The following DROSHA variants were observed in gnomAD, a reference collection of about 807,000 sequenced individuals.
DROSHA encodes the protein ribonuclease 3.
Under a neutral mutation model 181.9 loss-of-function variants are expected in DROSHA, and 56 were observed. The ratio of observed to expected loss-of-function variants is 0.31; its 90% CI spans 0.25 to 0.38. The LOEUF is 0.38. Ranked by LOEUF, DROSHA falls within the 10% of genes least tolerant of loss-of-function variation. The pLI, the probability that DROSHA is intolerant of heterozygous loss-of-function variation, is 1.00. For synonymous variants in DROSHA, 524 were observed against 591.2 expected, an observed-to-expected ratio of 0.89 and a Z score of 1.65; for missense variants, 1,218 against 1,743.5, an observed-to-expected ratio of 0.70 and a Z score of 5.37.
intron 16 of DROSHA, among the ~76,000 whole-genome samples, chr5:31,480,615 T>C (rs1319415459): frequency 6.6e-6 from 1 of 152,104 alleles, no homozygotes; most frequent in African/African-American, 2.4e-5. Flanking sequence ...AAAGTTTACT[T>C]TATAAAAATG....
intron 27 of DROSHA, among the ~76,000 whole-genome samples, chr5:31,428,560 A>G (rs1324424475): frequency 1.3e-5 from 2 of 152,204 alleles, no homozygotes; most frequent in South Asian, 2.1e-4. Context: ...AAATCATCAC[A>G]TATCTCTAGA....
At chr5:31,402,693 A>G (rs1267123575) in intron 35 of DROSHA, among the ~76,000 whole-genome samples, 1 of 152,170 alleles carries the variant, frequency 6.6e-6, no homozygotes, top group Non-Finnish European at 1.5e-5. Context: ...TACCATCCTT[A>G]CACCAGGTTG....
At chr5:31,529,628 G>C (rs777679815) in intron 3 of DROSHA, among the ~76,000 whole-genome samples, 1 of 151,756 alleles carries the variant, frequency 6.6e-6, no homozygotes, top group Admixed American at 6.6e-5. Flanking sequence ...CCAGCTACTC[G>C]GGAGGCTGAG....
At chr5:31,421,465 TAAAA>T in intron 29 of DROSHA, 88 bp from the exon 30 acceptor site, 3 of 1,060,308 alleles carry the variant, frequency 2.8e-6, no homozygotes, top group Admixed American at 3.8e-5. Flanking sequence ...AGGAATGACT[TAAAA>T]AGACAATGTG....
intron 23 of DROSHA, among the ~76,000 whole-genome samples, chr5:31,447,692 C>G (rs1419537606): frequency 6.6e-6 from 1 of 152,134 alleles, no homozygotes; most frequent in African/African-American, 2.4e-5. Flanking sequence ...GGAAAAGGAT[C>G]TGAATAGATA....
At position 31,515,078 on chromosome 5, in the gene DROSHA, A is replaced by G. The variant is rs1364051744; in HGVS notation, c.1200T>C (p.Asn400=). Residue 400 remains asparagine, a synonymous_variant, in exon 8 of 36, where the codon AAT becomes AAC. Transcript: ENST00000344624. ...KEPEETMPDK[N]EEEEEELLKP... is the part of the protein sequence containing the mutation. ...TAAGAAGTTCTTCTTCTTCCTCCTC[A>G]TTCTTGTCAGGCATGGTCTCCTCGG... The G allele has an allele frequency of 1.2e-6, 2 of 1,613,742 alleles. No individual in the cohort carries two copies. The highest frequency in any genetic ancestry group is 1.3e-5 in the African/African-American group (1 of 74,876).
In DROSHA at chr5:31,447,245, C is replaced by T. The variant is rs1746418621; in HGVS notation, c.2882+1302G>A. 2.6e-5 allele frequency among the ~76,000 whole-genome samples: 4 copies of T among 151,992 alleles called. No homozygotes were observed. In the South Asian group the frequency reaches 8.3e-4, roughly 32 times the overall value. On this transcript the variant is annotated intron_variant, in intron 23 of 35. Coordinates refer to ENST00000344624, the MANE Select transcript of DROSHA (RefSeq NM_001382508.1). ...CTAGGGCCTTTCGGAAGGTGGAGAACAAAAGGAGGGAGAGGATAAGGAATA... is the reference window on the plus strand; with the variant it reads ...CTAGGGCCTTTCGGAAGGTGGAGAATAAAAGGAGGGAGAGGATAAGGAATA...
At chr5:31,530,602 C>A (rs1741175410) in intron 3 of DROSHA, among the ~76,000 whole-genome samples, 196 bp downstream of exon 3, 1 of 148,908 alleles carries the variant, frequency 6.7e-6, no homozygotes, top group Non-Finnish European at 1.5e-5. Context: ...TGCACTCCAG[C>A]CTGGGCAACA....
chr5:31,493,645 G>C (rs1351552529), intron 12 of DROSHA, among the ~76,000 whole-genome samples: 1 of 152,108 alleles, frequency 6.6e-6, no homozygotes. Context: ...CAGGAGCAAG[G>C]TAATAACACA....
intron 20 of DROSHA, among the ~76,000 whole-genome samples, chr5:31,454,832 C>T (rs1483411394): frequency 6.7e-6 from 1 of 150,144 alleles, no homozygotes; most frequent in Non-Finnish European, 1.5e-5. Context: ...CCCTGCTACT[C>T]GGGAGGCTGA....
intron 27 of DROSHA, 56 bp from the exon 28 acceptor site, chr5:31,424,527 A>G (rs934252066): frequency 3.9e-6 from 6 of 1,523,132 alleles, no homozygotes; most frequent in Non-Finnish European, 5.3e-6. Context: ...CGCACTCTAG[A>G]GTACTAAATA....
intron 6 of DROSHA, 111 bp downstream of exon 6, chr5:31,521,012 G>C: frequency 4.0e-6 from 4 of 1,008,652 alleles, no homozygotes; most frequent in Admixed American, 4.1e-5. Flanking sequence ...AGGTCATCTT[G>C]GACAGACTCT....
chr5:31,423,956 T>C (rs1249175796), intron 28 of DROSHA, among the ~76,000 whole-genome samples: 1 of 152,240 alleles, frequency 6.6e-6, no homozygotes, highest in Non-Finnish European at 1.5e-5. Context: ...ACAGGTTTTA[T>C]ACACTCTGAA....
In DROSHA at chr5:31,422,920, G is replaced by T; in HGVS notation, c.3286C>A (p.Gln1096Lys). 5 of 1,608,294 alleles carry T rather than the reference G, an allele frequency of 3.1e-6. No individual in the cohort carries two copies. The highest frequency in any genetic ancestry group is 4.2e-6 in the Non-Finnish European group (5 of 1,177,428). The change falls in exon 29 of 36, where the codon CAA (glutamine) becomes AAA (lysine). Residue 1096 changes from glutamine to lysine, a missense_variant. Gln to Lys is a moderately conservative substitution (Grantham distance 53). Transcript: ENST00000344624. ...LQLQEPNTDR[Q>K]LIETSPVLQK... is the part of the protein sequence containing the mutation. ...AGAACTGGAGAAGTTTCAATAAGTT[G>T]TCGATCAGTATTTGGCTCTTGTAGC...
At chr5:31,492,084 G>A (rs1325992254) in intron 13 of DROSHA, among the ~76,000 whole-genome samples, 4 of 152,230 alleles carry the variant, frequency 2.6e-5, no homozygotes, top group Admixed American at 1.3e-4. Context: ...GTGAGCCACC[G>A]CACCCAGCCC....
chr5:31,484,846 A>G (rs1751552257), intron 15 of DROSHA, 35 bp downstream of exon 15: 2 of 1,422,352 alleles, frequency 1.4e-6, no homozygotes, highest in Non-Finnish European at 1.9e-6. Flanking sequence ...GTTCTTCCAT[A>G]AACACTACTC....
At chr5:31,448,500 A>G in intron 23 of DROSHA, 47 bp downstream of exon 23, 2 of 1,496,048 alleles carry the variant, frequency 1.3e-6, no homozygotes, top group East Asian at 4.5e-5. Context: ...ACTGTATAGT[A>G]CGTGAATTAT....
chr5:31,511,141 A>G lies in DROSHA; in HGVS notation c.1326T>C (p.Arg442=). 1 of 1,613,942 alleles carries G rather than the reference A, an allele frequency of 6.2e-7. No individual in the cohort carries two copies. The highest frequency in any genetic ancestry group is 8.5e-7 in the Non-Finnish European group (1 of 1,179,860). The change falls in exon 9 of 36, where the codon CGT becomes CGC. Residue 442 remains arginine (R), a synonymous_variant. Coordinates refer to ENST00000344624, the MANE Select transcript of DROSHA (RefSeq NM_001382508.1). The stretch of plus-strand genomic sequence containing the variant: ...CCTCCTCAAATTTGTCATATAAGTC[A>G]CGAAGCCTACTCGTTCCAACCACTG... ...DSTVVGTSRL[R]DLYDKFEEEL... is the part of the protein sequence containing the mutation.
At chr5:31,463,722 C>T (rs535272393) in intron 20 of DROSHA, among the ~76,000 whole-genome samples, 40 of 152,232 alleles carry the variant, frequency 2.6e-4, no homozygotes, top group African/African-American at 9.1e-4. Flanking sequence ...TACTCTATTG[C>T]GTTCACCCAG....
Sources: allele counts gnomAD v4.1 joint callset (sites outside exome capture counted in the v4.1 genomes callset), GRCh38; gene constraint gnomAD v4.1.1; transcripts MANE v1.5; gene names NCBI Gene and HGNC (gene_info 2026-07-23, HGNC 2026-07-21).